The following CNTN5 variants were observed in gnomAD, a reference collection of about 807,000 sequenced individuals.
CNTN5 encodes the protein contactin-5.
CNTN5 carries 77 observed loss-of-function variants against 129.1 expected under a neutral mutation model. The ratio of observed to expected loss-of-function variants is 0.60; its 90% CI spans 0.50 to 0.72. The LOEUF (loss-of-function observed/expected upper bound fraction) is 0.72. Among genes scored for constraint, CNTN5 ranks in the 30% least tolerant of loss-of-function variants. The pLI, the probability that CNTN5 is intolerant of heterozygous loss-of-function variation, is 0.00. For missense variants in CNTN5, 1,478 were observed against 1,328.8 expected (o/e 1.11, Z -1.75); for synonymous variants, 509 against 465.6 (o/e 1.09, Z -1.20).
At chr11:100,154,989 T>C (rs957696029) in intron 13 of CNTN5, among the ~76,000 whole-genome samples, 2 of 152,208 alleles carry the variant, frequency 1.3e-5, no homozygotes, top group African/African-American at 4.8e-5. Flanking sequence ...ACTCTGATGA[T>C]AGTTTCTTTG....
chr11:99,665,689 G>A (rs1004200799), intron 3 of CNTN5, among the ~76,000 whole-genome samples: 2 of 151,798 alleles, frequency 1.3e-5, no homozygotes, highest in Non-Finnish European at 2.9e-5. Context: ...GTTGCACAAT[G>A]TTGGCCAGGC....
At chr11:99,922,478 G>A (rs1018513615) in intron 7 of CNTN5, among the ~76,000 whole-genome samples, 2 of 152,180 alleles carry the variant, frequency 1.3e-5, no homozygotes, top group African/African-American at 4.8e-5. Context: ...TGGGTGGAAT[G>A]AGATTGATAT....
intron 6 of CNTN5, among the ~76,000 whole-genome samples, chr11:99,895,922 G>A (rs766860322): frequency 6.6e-6 from 1 of 152,248 alleles, no homozygotes; most frequent in East Asian, 1.9e-4. Context: ...CTAAGAAGCA[G>A]CTAGACTCCA....
chr11:100,274,824 T>G (rs1207787375), intron 18 of CNTN5, among the ~76,000 whole-genome samples: 1 of 152,204 alleles, frequency 6.6e-6, no homozygotes, highest in Non-Finnish European at 1.5e-5. Flanking sequence ...GAAGAAAGTG[T>G]GACGACAACT....
At chr11:99,197,059 G>T (rs1858938273) in intron 1 of CNTN5, among the ~76,000 whole-genome samples, 1 of 151,860 alleles carries the variant, frequency 6.6e-6, no homozygotes, top group South Asian at 2.1e-4. Flanking sequence ...AATAAGTTTA[G>T]CAGAGAAAAA....
chr11:99,866,769 A>T (rs1238877038), intron 6 of CNTN5, among the ~76,000 whole-genome samples: 1 of 152,222 alleles, frequency 6.6e-6, no homozygotes, highest in Non-Finnish European at 1.5e-5. Flanking sequence ...GGCTTAGCCC[A>T]TGGGCGCTAA....
intron 2 of CNTN5, among the ~76,000 whole-genome samples, chr11:99,536,262 C>A (rs936638501): frequency 1.3e-5 from 2 of 151,538 alleles, no homozygotes; most frequent in South Asian, 4.1e-4. Context: ...ATAAGAAAAT[C>A]TTTTTTTTAT....
In CNTN5 at chr11:99,298,450, C is replaced by T. The variant is rs1315953647; in HGVS notation, c.-209-26896C>T. 9.9e-5 allele frequency among the ~76,000 whole-genome samples: 15 copies of T among 152,200 alleles called. 1 individual carries two copies. Among genetic ancestry groups the T allele is most frequent in the Admixed American group, 7.9e-4 (12 of 15,286 alleles). On this transcript the variant is annotated intron_variant, in intron 1 of 24. Coordinates refer to ENST00000524871, the MANE Select transcript of CNTN5 (RefSeq NM_014361.4). ...TTGAAGTATGGCCACTGGGATTGGT[C>T]GACACTCAGCCACTGTTAACAGGTG... is the stretch of plus-strand genomic sequence containing the variant.
chr11:99,380,830 T>C (rs560287642), intron 2 of CNTN5, among the ~76,000 whole-genome samples: 1 of 152,020 alleles, frequency 6.6e-6, no homozygotes, highest in South Asian at 2.1e-4. Flanking sequence ...AATACTGTTT[T>C]TGAATACCAC....
chr11:99,388,300 A>T (rs1450919559), intron 2 of CNTN5, among the ~76,000 whole-genome samples: 1 of 151,632 alleles, frequency 6.6e-6, no homozygotes, highest in Non-Finnish European at 1.5e-5. Context: ...CTGTAATCCC[A>T]GCTACTTGGG....
At chr11:99,855,474 T>A (rs1351786602) in intron 6 of CNTN5, among the ~76,000 whole-genome samples, 1 of 152,118 alleles carries the variant, frequency 6.6e-6, no homozygotes, top group Non-Finnish European at 1.5e-5. Context: ...CAAATTAAAG[T>A]ACTAGGTATC....
chr11:99,522,591 TATAA>T (rs1456536269), intron 2 of CNTN5, among the ~76,000 whole-genome samples: 2 of 152,176 alleles, frequency 1.3e-5, no homozygotes, highest in Non-Finnish European at 2.9e-5. Context: ...ATTTGGAGAA[TATAA>T]ATAAATTATT....
intron 1 of CNTN5, among the ~76,000 whole-genome samples, chr11:99,232,022 A>G (rs1861025726): frequency 1.3e-5 from 2 of 152,132 alleles, no homozygotes; most frequent in South Asian, 4.1e-4. Context: ...CTGACTTTGT[A>G]CCACTACCAT....
intron 6 of CNTN5, among the ~76,000 whole-genome samples, chr11:99,876,075 C>A (rs1251781325): frequency 1.3e-5 from 2 of 152,118 alleles, no homozygotes; most frequent in Non-Finnish European, 2.9e-5. Context: ...TGAAAGGCAT[C>A]AAATAAGCTT....
chr11:99,364,579 T>C (rs1241360217), intron 2 of CNTN5, among the ~76,000 whole-genome samples: 1 of 152,130 alleles, frequency 6.6e-6, no homozygotes, highest in African/African-American at 2.4e-5. Context: ...CAAGCAAAGA[T>C]TCAAAACTAT....
chr11:99,771,700 A>G (rs1306438578), intron 3 of CNTN5, among the ~76,000 whole-genome samples: 1 of 151,980 alleles, frequency 6.6e-6, no homozygotes, highest in Non-Finnish European at 1.5e-5. Context: ...TTAGAAGATG[A>G]CCACATTCTG....
chr11:99,161,122 A>T (rs7949026), intron 1 of CNTN5, among the ~76,000 whole-genome samples: 23,037 of 152,096 alleles, frequency 0.15, 1,848 homozygotes, highest in Middle Eastern at 0.21. Flanking sequence ...TAGAATCTAG[A>T]ATAGTCCCTG....
chr11:99,807,745 A>G (rs1450737211), intron 3 of CNTN5, among the ~76,000 whole-genome samples: 1 of 152,200 alleles, frequency 6.6e-6, no homozygotes, highest in African/African-American at 2.4e-5. Context: ...TTCTTCAAAC[A>G]AAACAAAAAG....
chr11:99,624,939 C>A (rs1221124822), intron 3 of CNTN5, among the ~76,000 whole-genome samples: 2 of 152,164 alleles, frequency 1.3e-5, no homozygotes, highest in Non-Finnish European at 2.9e-5. Context: ...AGTGCTGACA[C>A]CATGGTGTTT....
Sources: gnomAD v4.1 joint callset for allele counts (sites outside exome capture counted in the v4.1 genomes callset) on GRCh38, gnomAD v4.1.1 for gene constraint, MANE v1.5 for transcripts, NCBI Gene and HGNC (gene_info 2026-07-23, HGNC 2026-07-21) for gene names.